Variants in METTL24 observed in about 807,000 individuals in gnomAD.
METTL24 encodes probable methyltransferase-like protein 24.
A neutral mutation model predicts 32.7 loss-of-function variants in METTL24; 29 were observed. The observed-to-expected ratio is 0.89, with a 90% CI of 0.66 to 1.21. The LOEUF is 1.21. METTL24 is among the 50% of genes most tolerant of loss of function. The pLI is 0.00. For synonymous variants in METTL24, 163 were observed against 179.5 expected, an observed-to-expected ratio of 0.91 and a Z score of 0.73; for missense variants, 439 against 468.1, an observed-to-expected ratio of 0.94 and a Z score of 0.57.
chr6:110,284,965 T>C (rs1407996310), intron 4 of METTL24, among the ~76,000 whole-genome samples: 2 of 152,254 alleles, frequency 1.3e-5, no homozygotes, highest in Non-Finnish European at 2.9e-5. Context: ...AGGTTATTAA[T>C]CAGCTGGCCT....
Position 110,315,447 on chromosome 6 carries a change from G to C in METTL24, c.452C>G (p.Ala151Gly), listed in dbSNP as rs753316706. ...CTTGTGTGTAGGACTAGAGTCAGTAGCCAGGCTGTCTGTATTCATGTGATT... is the reference window on the plus strand; with the variant it reads ...CTTGTGTGTAGGACTAGAGTCAGTACCCAGGCTGTCTGTATTCATGTGATT... Reference protein sequence around the residue: ...ACNHMNTDSLATDSSPTHKPW... With the variant: ...ACNHMNTDSLGTDSSPTHKPW... Residue 151 changes from alanine (A) to glycine (G), a missense_variant, in exon 3 of 5, where the codon GCT (alanine) becomes GGT (glycine). Transcript: ENST00000338882. 6.2e-7 allele frequency: 1 copy of C among 1,614,094 alleles called. No individual in the cohort carries two copies.
At chr6:110,336,357 GA>G (rs1004219424) in intron 1 of METTL24, among the ~76,000 whole-genome samples, 5 of 152,186 alleles carry the variant, frequency 3.3e-5, no homozygotes, top group Non-Finnish European at 7.3e-5. Context: ...ACTGAAATTT[GA>G]AATCAAACAC....
At chr6:110,255,835 T>C (rs1778371745) in intron 4 of METTL24, among the ~76,000 whole-genome samples, 1 of 151,924 alleles carries the variant, frequency 6.6e-6, no homozygotes, top group Admixed American at 6.6e-5. Context: ...GTTCTTGGGG[T>C]TCAGTGGGAG....
chr6:110,255,065 A>C (rs1778357364), intron 4 of METTL24, among the ~76,000 whole-genome samples: 1 of 152,208 alleles, frequency 6.6e-6, no homozygotes, highest in Non-Finnish European at 1.5e-5. Context: ...GACTTCTGCT[A>C]TCACTAGGGA....
At chr6:110,296,409 T>A (rs1407583178) in intron 4 of METTL24, among the ~76,000 whole-genome samples, 2 of 152,224 alleles carry the variant, frequency 1.3e-5, no homozygotes, top group Admixed American at 6.5e-5. Context: ...CCAAGTGATA[T>A]TACTCCCTGA....
rs978307656 is a variant in METTL24 at position 110,315,476 on chromosome 6, T to C, written c.423A>G (p.Ala141=). ...GGCTGTCTGTATTCATGTGATTGCATGCAATCTGTAAAGATTGGAAATCAA... is the reference window on the plus strand; with the variant it reads ...GGCTGTCTGTATTCATGTGATTGCACGCAATCTGTAAAGATTGGAAATCAA... The part of the protein sequence containing the change: ...FLRYISTTQI[A]CNHMNTDSLA... The change falls in exon 3 of 5, where the codon GCA becomes GCG. Residue 141 remains alanine, a synonymous_variant. Transcript: ENST00000338882. 2 of 1,613,878 alleles carry C rather than the reference T, an allele frequency of 1.2e-6. No individual in the cohort carries two copies. The highest frequency in any genetic ancestry group is 1.7e-6 in the Non-Finnish European group (2 of 1,179,968).
At chr6:110,350,177 G>GT (rs1772565671) in intron 1 of METTL24, among the ~76,000 whole-genome samples, 1 of 152,198 alleles carries the variant, frequency 6.6e-6, no homozygotes, top group East Asian at 1.9e-4. Flanking sequence ...CCTCACACAT[G>GT]GGAAAGATAT....
intron 4 of METTL24, among the ~76,000 whole-genome samples, chr6:110,263,832 C>T (rs1770801902): frequency 1.3e-5 from 2 of 152,186 alleles, no homozygotes; most frequent in Admixed American, 1.3e-4. Flanking sequence ...CTACAACTAT[C>T]TGATCTTTGA....
intron 4 of METTL24, among the ~76,000 whole-genome samples, chr6:110,246,868 G>A (rs534396238): frequency 1.3e-5 from 2 of 151,642 alleles, no homozygotes; most frequent in East Asian, 3.9e-4. Context: ...AAAAGTTATT[G>A]AGTATCTGAA....
intron 1 of METTL24, among the ~76,000 whole-genome samples, chr6:110,324,161 C>T (rs1239537356): frequency 6.6e-6 from 1 of 152,192 alleles, no homozygotes; most frequent in African/African-American, 2.4e-5. Context: ...AATCCATTCT[C>T]ACTTGGGCGT....
chr6:110,253,301 C>G (rs1328959009), intron 4 of METTL24, among the ~76,000 whole-genome samples: 2 of 152,096 alleles, frequency 1.3e-5, no homozygotes, highest in Non-Finnish European at 2.9e-5. Flanking sequence ...CATGAGAGAC[C>G]CTGAGCCAGA....
chr6:110,278,990 C>G (rs9487336), intron 4 of METTL24, among the ~76,000 whole-genome samples: 17 of 152,120 alleles, frequency 1.1e-4, no homozygotes, highest in Non-Finnish European at 1.9e-4. Context: ...CCTTTGCACT[C>G]AGCCTGGGAA....
intron 3 of METTL24, among the ~76,000 whole-genome samples, chr6:110,313,177 C>G (rs946374796): frequency 6.6e-6 from 1 of 152,116 alleles, no homozygotes; most frequent in African/African-American, 2.4e-5. Flanking sequence ...GGGTGACTAC[C>G]TACAGTCGAC....
intron 1 of METTL24, among the ~76,000 whole-genome samples, chr6:110,339,707 A>T (rs1007566219): frequency 6.6e-6 from 1 of 152,246 alleles, no homozygotes; most frequent in African/African-American, 2.4e-5. Context: ...TAGATGGTCT[A>T]TGTATATGTT....
At chr6:110,282,383 T>C (rs1247349935) in intron 4 of METTL24, among the ~76,000 whole-genome samples, 20 of 152,106 alleles carry the variant, frequency 1.3e-4, no homozygotes, top group Admixed American at 1.3e-3. Context: ...ACTTAATAAA[T>C]AGTGCCCATG....
At chr6:110,320,905 C>T (rs1006377741) in intron 2 of METTL24, among the ~76,000 whole-genome samples, 2 of 151,942 alleles carry the variant, frequency 1.3e-5, no homozygotes, top group Admixed American at 6.6e-5. Flanking sequence ...AAGTGAAGTA[C>T]CCAGGTTTAC....
At chr6:110,329,417 T>C (rs879476194) in intron 1 of METTL24, among the ~76,000 whole-genome samples, 1 of 151,454 alleles carries the variant, frequency 6.6e-6, no homozygotes, top group Non-Finnish European at 1.5e-5. Flanking sequence ...TTAGCAATTT[T>C]GCTGCAATTT....
At chr6:110,351,216 ATAAG>A (rs1772595330) in intron 1 of METTL24, among the ~76,000 whole-genome samples, 1 of 152,192 alleles carries the variant, frequency 6.6e-6, no homozygotes, top group Non-Finnish European at 1.5e-5. Context: ...AAATAAACAA[ATAAG>A]TAAAAAATTA....
chr6:110,250,793 A>C (rs1778263117), intron 4 of METTL24, among the ~76,000 whole-genome samples: 1 of 152,168 alleles, frequency 6.6e-6, no homozygotes, highest in South Asian at 2.1e-4. Context: ...AGCCAGTTGA[A>C]ACCACCATCG....
Sources: allele counts gnomAD v4.1 joint callset (sites outside exome capture counted in the v4.1 genomes callset), GRCh38; gene constraint gnomAD v4.1.1; transcripts MANE v1.5; gene names NCBI Gene and HGNC (gene_info 2026-07-23, HGNC 2026-07-21).